NRG2: variants seen among roughly 807,000 people sequenced by gnomAD.
NRG2 encodes the protein neuregulin 2, also known as pro-neuregulin-2, membrane-bound isoform.
A neutral mutation model predicts 73.9 loss-of-function variants in NRG2; 27 were observed. The observed-to-expected ratio is 0.37, with a 90% confidence interval of 0.27 to 0.50. The LOEUF (loss-of-function observed/expected upper bound fraction) is 0.50, where lower values mean the gene tolerates loss of function less well. Among genes scored for constraint, NRG2 ranks in the 20% least tolerant of loss-of-function variants. The probability of loss-of-function intolerance (pLI) is 0.96; values close to 1 mark genes in which losing one functional copy is unlikely to be tolerated. For missense variants in NRG2, 1,126 were observed against 1,210.1 expected (o/e 0.93, Z 1.03); for synonymous variants, 532 against 541.0 (o/e 0.98, Z 0.23).
chr5:140,000,851 T>C (rs192124262), intron 1 of NRG2, among the ~76,000 whole-genome samples: 65 of 152,334 alleles, frequency 4.3e-4, no homozygotes, highest in Middle Eastern at 3.4e-3. Flanking sequence ...TCCATCTCTG[T>C]CAACGTCAGA....
chr5:139,972,844 A>C (rs1756077864), intron 1 of NRG2, among the ~76,000 whole-genome samples: 1 of 152,254 alleles, frequency 6.6e-6, no homozygotes, highest in Non-Finnish European at 1.5e-5. Flanking sequence ...AATATGAAAA[A>C]GATAAATACC....
At chr5:140,041,262 T>A (rs1407024953) in intron 1 of NRG2, among the ~76,000 whole-genome samples, 1 of 152,206 alleles carries the variant, frequency 6.6e-6, no homozygotes. Flanking sequence ...TCATACCGCA[T>A]GCCAACAAAT....
intron 1 of NRG2, among the ~76,000 whole-genome samples, chr5:140,022,830 C>A (rs1760347359): frequency 6.6e-6 from 1 of 152,286 alleles, no homozygotes; most frequent in South Asian, 2.1e-4. Context: ...ACAAATGCAT[C>A]ATTTTCCTTC....
intron 5 of NRG2, among the ~76,000 whole-genome samples, chr5:139,860,360 T>C (rs550908497): frequency 2.6e-4 from 39 of 151,814 alleles, no homozygotes; most frequent in East Asian, 5.8e-4. Context: ...AGCTCCCTCA[T>C]TGGGGGCCCA....
chr5:139,857,611 CT>C (rs1761887300), intron 5 of NRG2, among the ~76,000 whole-genome samples: 1 of 151,914 alleles, frequency 6.6e-6, no homozygotes, highest in Non-Finnish European at 1.5e-5. Flanking sequence ...TATTCATGTC[CT>C]TTTCTCTGCA....
intron 3 of NRG2, among the ~76,000 whole-genome samples, chr5:139,877,773 TC>T (rs1281785132): frequency 1.3e-5 from 2 of 152,208 alleles, no homozygotes; most frequent in African/African-American, 4.8e-5. Context: ...GGCTTAAAGA[TC>T]ATCTAGTTCA....
chr5:139,888,115 A>AACACACAC (rs148802670), intron 1 of NRG2, among the ~76,000 whole-genome samples: 1 of 148,816 alleles, frequency 6.7e-6, no homozygotes, highest in Non-Finnish European at 1.5e-5. Context: ...AAAACAAAAC[A>AACACACAC]ACACACACAC....
At chr5:139,959,314 C>T (rs2126494367) in intron 1 of NRG2, among the ~76,000 whole-genome samples, 1 of 152,360 alleles carries the variant, frequency 6.6e-6, no homozygotes, top group East Asian at 1.9e-4. Flanking sequence ...ATTCTCCTGC[C>T]TCAGCCTCCC....
In NRG2 at chr5:139,917,377, G is replaced by A. The variant is rs538956672; in HGVS notation, c.701-29866C>T. On this transcript the variant is annotated intron_variant, in intron 1 of 9. Transcript: ENST00000361474. ...AACGATCCTTCCACCTCAGCCTCTT[G>A]AGTAGCTGGGACTACAGGCATGCAC... Among the ~76,000 whole-genome samples the A allele has an allele frequency of 3.4e-3, 523 of 152,122 alleles. 4 individuals carry two copies. Among genetic ancestry groups the A allele is most frequent in the African/African-American group, 0.012 (492 of 41,480 alleles).
intron 1 of NRG2, among the ~76,000 whole-genome samples, chr5:139,975,912 AAAT>A: frequency 6.6e-6 from 1 of 152,384 alleles, no homozygotes; most frequent in East Asian, 1.9e-4. Flanking sequence ...TTAAAATTAA[AAAT>A]AATACATTAT....
intron 1 of NRG2, among the ~76,000 whole-genome samples, chr5:140,030,525 C>A (rs1012722372): frequency 6.6e-6 from 1 of 152,232 alleles, no homozygotes; most frequent in East Asian, 1.9e-4. Context: ...GTGAAAACAG[C>A]ACTTCCAAGG....
At chr5:139,948,814 G>A (rs1753983407) in intron 1 of NRG2, among the ~76,000 whole-genome samples, 1 of 152,206 alleles carries the variant, frequency 6.6e-6, no homozygotes, top group Admixed American at 6.5e-5. Context: ...GTGGTAGTGA[G>A]GATGAAGAGA....
intron 3 of NRG2, among the ~76,000 whole-genome samples, chr5:139,880,277 G>T (rs1490499653): frequency 6.6e-6 from 1 of 152,162 alleles, no homozygotes. Context: ...CCCTGAGGCT[G>T]GGTCTGCCAC....
intron 1 of NRG2, among the ~76,000 whole-genome samples, chr5:139,943,360 G>A (rs1368498540): frequency 6.6e-6 from 1 of 152,020 alleles, no homozygotes; most frequent in Admixed American, 6.6e-5. Context: ...GTATTAGCCA[G>A]GCTGGTCTCT....
At chr5:139,883,538 CCAGA>C (rs1397049521) in intron 2 of NRG2, among the ~76,000 whole-genome samples, 2 of 152,068 alleles carry the variant, frequency 1.3e-5, no homozygotes, top group Admixed American at 6.6e-5. Flanking sequence ...ACAGAGATGC[CCAGA>C]CAGAGTGCGG....
intron 1 of NRG2, among the ~76,000 whole-genome samples, chr5:140,003,090 G>A (rs1758617971): frequency 6.6e-6 from 1 of 152,030 alleles, no homozygotes; most frequent in Non-Finnish European, 1.5e-5. Context: ...TACAGTGCCT[G>A]GCAACACAAG....
At chr5:139,864,871 C>A in intron 5 of NRG2, 1 of 587,408 alleles carries the variant, frequency 1.7e-6, no homozygotes, top group Non-Finnish European at 3.1e-6. Flanking sequence ...GGCTGCCCGA[C>A]CCCAGAAGTT....
intron 1 of NRG2, among the ~76,000 whole-genome samples, chr5:140,039,382 C>T (rs954090915): frequency 6.6e-6 from 1 of 152,174 alleles, no homozygotes; most frequent in African/African-American, 2.4e-5. Context: ...GCACAGAAAA[C>T]ACCTCCCTCC....
chr5:139,859,756 G>T (rs1294551152), intron 5 of NRG2: 2 of 888,810 alleles, frequency 2.3e-6, no homozygotes, highest in African/African-American at 3.3e-5. Flanking sequence ...TCTCGATGGG[G>T]CCAGGAGAGA....
Sources: allele counts gnomAD v4.1 joint callset (sites outside exome capture counted in the v4.1 genomes callset), GRCh38; gene constraint gnomAD v4.1.1; transcripts MANE v1.5; gene names NCBI Gene and HGNC (gene_info 2026-07-23, HGNC 2026-07-21).